ULK4: variants seen among roughly 807,000 people sequenced by gnomAD.
The protein encoded by ULK4 is inactive serine/threonine-protein kinase ULK4.
In ULK4, 133 loss-of-function variants were observed where a neutral mutation model predicts 160.6. The observed-to-expected ratio is 0.83, with a 90% CI of 0.72 to 0.96. ULK4 has a LOEUF of 0.96. ULK4 is among the 40% of genes least tolerant of loss of function. ULK4 has a pLI of 0.00. For synonymous variants in ULK4, 534 were observed against 539.8 expected (o/e 0.99, Z 0.15); for missense variants, 1,580 against 1,499.5 (o/e 1.05, Z -0.89).
chr3:41,541,636 G>T (rs2086698967), intron 32 of ULK4, among the ~76,000 whole-genome samples: 1 of 152,110 alleles, frequency 6.6e-6, no homozygotes, highest in African/African-American at 2.4e-5. Context: ...CCATTTTCAT[G>T]ATATTGATTC....
At chr3:41,502,247 A>G (rs1203012517) in intron 32 of ULK4, among the ~76,000 whole-genome samples, 2 of 152,246 alleles carry the variant, frequency 1.3e-5, no homozygotes, top group Non-Finnish European at 2.9e-5. Flanking sequence ...TGGTAATTCT[A>G]TTTTTAAATT....
At chr3:41,597,705 C>T (rs181358465) in intron 31 of ULK4, among the ~76,000 whole-genome samples, 249 of 152,260 alleles carry the variant, frequency 1.6e-3, no homozygotes, top group Non-Finnish European at 3.0e-3. Context: ...CAGGTAATCG[C>T]TTCTCTTTGA....
chr3:41,799,696 T>C (rs556860692), intron 20 of ULK4, among the ~76,000 whole-genome samples: 11 of 152,096 alleles, frequency 7.2e-5, no homozygotes, highest in South Asian at 6.2e-4. Context: ...ACCCCATCTC[T>C]ACAAAAATAC....
chr3:41,565,926 C>A, intron 32 of ULK4, 99 bp downstream of exon 32: 1 of 780,584 alleles, frequency 1.3e-6, no homozygotes, highest in Non-Finnish European at 2.0e-6. Context: ...TCTATTTTGA[C>A]TCATCAACTT....
At chr3:41,599,521 GTAC>G (rs2031915613) in intron 31 of ULK4, among the ~76,000 whole-genome samples, 1 of 150,762 alleles carries the variant, frequency 6.6e-6, no homozygotes, top group African/African-American at 2.4e-5. Flanking sequence ...AGGAGAGAAT[GTAC>G]TTAAACACAG....
At chr3:41,402,266 G>C (rs750585712) in intron 34 of ULK4, among the ~76,000 whole-genome samples, 4 of 151,978 alleles carry the variant, frequency 2.6e-5, no homozygotes, top group Non-Finnish European at 5.9e-5. Context: ...AAGATTCTTC[G>C]GCATTTTCTA....
chr3:41,908,020 G>A lies in ULK4; in HGVS notation c.1086-79C>T, dbSNP rs960184027. The A allele has an allele frequency of 5.7e-6, 6 of 1,043,890 alleles. No individual in the cohort carries two copies. In the South Asian group the frequency reaches 1.0e-4, roughly 18 times the overall value. The allele number at this position is 1,043,890 out of a possible 1,614,324, so 64.7% of individuals were successfully genotyped here. A position where few individuals can be genotyped will look rare whatever the true frequency, so the allele number is the denominator to read the frequency against. On this transcript the variant is annotated intron_variant, in intron 11 of 36. Coordinates refer to ENST00000301831, the MANE Select transcript of ULK4 (RefSeq NM_017886.4). ...TTTACTGTTTTCTGGAAGAAAACAA[G>A]TCTCATGAAAAATGGTAGAGTATGA...
chr3:41,597,858 C>CA, intron 31 of ULK4, among the ~76,000 whole-genome samples: 1 of 152,202 alleles, frequency 6.6e-6, no homozygotes, highest in East Asian at 1.9e-4. Flanking sequence ...CTTCAATTTG[C>CA]AATTTGCAAT....
At chr3:41,793,449 A>G (rs2040208726) in intron 20 of ULK4, among the ~76,000 whole-genome samples, 3 of 152,128 alleles carry the variant, frequency 2.0e-5, no homozygotes, top group Non-Finnish European at 4.4e-5. Context: ...ATTTCAAATG[A>G]TTTTTTGATG....
chr3:41,958,733 G>A (rs2049147), intron 1 of ULK4, among the ~76,000 whole-genome samples: 139,915 of 151,656 alleles, frequency 0.92, 65,530 homozygotes, highest in East Asian at 1. Flanking sequence ...AAAAATTAAG[G>A]AAACTCATTT....
intron 8 of ULK4, 81 bp from the exon 9 acceptor site, chr3:41,912,980 T>A (rs935282009): frequency 1.6e-6 from 2 of 1,213,966 alleles, no homozygotes; most frequent in East Asian, 2.4e-5. Flanking sequence ...CAATTACACA[T>A]AGCAGATTTT....
intron 35 of ULK4, among the ~76,000 whole-genome samples, chr3:41,361,333 T>A (rs2081138943): frequency 2.0e-5 from 3 of 152,218 alleles, no homozygotes; most frequent in African/African-American, 7.2e-5. Flanking sequence ...TAGATCTGAT[T>A]GAGAAAACTC....
At chr3:41,429,656 G>A (rs1025635630) in intron 34 of ULK4, among the ~76,000 whole-genome samples, 3 of 151,718 alleles carry the variant, frequency 2.0e-5, no homozygotes, top group African/African-American at 4.8e-5. Flanking sequence ...ACCAAATATC[G>A]CATGTTCTCA....
At chr3:41,423,194 C>G (rs2082699611) in intron 34 of ULK4, among the ~76,000 whole-genome samples, 1 of 152,092 alleles carries the variant, frequency 6.6e-6, no homozygotes, top group East Asian at 1.9e-4. Context: ...GATGCAAGGA[C>G]ACATGCCAAA....
At chr3:41,529,944 AT>A (rs1318948278) in intron 32 of ULK4, among the ~76,000 whole-genome samples, 2 of 152,212 alleles carry the variant, frequency 1.3e-5, no homozygotes, top group Non-Finnish European at 2.9e-5. Flanking sequence ...ATCCATAGAG[AT>A]TAGTGGTTGC....
intron 31 of ULK4, among the ~76,000 whole-genome samples, chr3:41,600,204 C>G (rs2031971067): frequency 1.3e-5 from 2 of 152,190 alleles, no homozygotes; most frequent in Admixed American, 1.3e-4. Flanking sequence ...CTCCTCCTTA[C>G]CTACTCACTC....
chr3:41,646,644 C>T (rs1174025013), intron 30 of ULK4, among the ~76,000 whole-genome samples: 1 of 152,188 alleles, frequency 6.6e-6, no homozygotes, highest in Non-Finnish European at 1.5e-5. Context: ...TTCATTTCAA[C>T]TATGGTGAAT....
At chr3:41,371,487 T>C (rs1242187309) in intron 35 of ULK4, among the ~76,000 whole-genome samples, 1 of 152,124 alleles carries the variant, frequency 6.6e-6, no homozygotes, top group Non-Finnish European at 1.5e-5. Context: ...CCTCTGCTGG[T>C]GATACCCAGG....
At chr3:41,615,473 G>A (rs942151098) in intron 31 of ULK4, among the ~76,000 whole-genome samples, 196 bp downstream of exon 31, 1 of 152,190 alleles carries the variant, frequency 6.6e-6, no homozygotes, top group Non-Finnish European at 1.5e-5. Context: ...TTAGCCAGTA[G>A]CCCTACATTA....
Sources: allele counts gnomAD v4.1 joint callset (sites outside exome capture counted in the v4.1 genomes callset), GRCh38; gene constraint gnomAD v4.1.1; transcripts MANE v1.5; gene names NCBI Gene and HGNC (gene_info 2026-07-23, HGNC 2026-07-21).